ATL2: variants seen among roughly 807,000 people sequenced by gnomAD.
The protein encoded by ATL2 is atlastin GTPase 2.
Under a neutral mutation model 73.9 loss-of-function variants are expected in ATL2, and 31 were observed. The observed-to-expected ratio is 0.42, with a 90% CI of 0.32 to 0.57. ATL2 has a LOEUF of 0.57. Ranked by LOEUF, ATL2 falls within the 20% of genes least tolerant of loss-of-function variation. The probability of loss-of-function intolerance (pLI) is 0.14; values close to 1 mark genes in which losing one functional copy is unlikely to be tolerated. For missense variants in ATL2, 738 were observed against 702.6 expected (o/e 1.05, Z -0.57); for synonymous variants, 291 against 237.5 (o/e 1.23, Z -2.07).
intron 1 of ATL2, among the ~76,000 whole-genome samples, chr2:38,372,211 C>T (rs1671732505): frequency 6.8e-6 from 1 of 146,292 alleles, no homozygotes. Context: ...ATGCACTATA[C>T]AGTCAAGTCA....
chr2:38,348,150 C>T (rs776690252), intron 1 of ATL2, among the ~76,000 whole-genome samples: 8 of 151,904 alleles, frequency 5.3e-5, no homozygotes, highest in African/African-American at 7.3e-5. Context: ...ATTAAGTATA[C>T]GTAACACAAA....
At chr2:38,330,499 A>G (rs1223165400) in intron 2 of ATL2, among the ~76,000 whole-genome samples, 2 of 152,214 alleles carry the variant, frequency 1.3e-5, no homozygotes, top group Admixed American at 1.3e-4. Flanking sequence ...TGTTGTATAT[A>G]GAAAACTCGA....
intron 1 of ATL2, chr2:38,376,039 C>G (rs998287232): frequency 7.3e-7 from 1 of 1,373,168 alleles, no homozygotes; most frequent in Non-Finnish European, 9.5e-7. Flanking sequence ...AACCTTTACA[C>G]ACCGTAAAAA....
chr2:38,311,687 G>A (rs1410658973), intron 7 of ATL2, among the ~76,000 whole-genome samples: 6 of 152,204 alleles, frequency 3.9e-5, no homozygotes, highest in Middle Eastern at 3.2e-3. Flanking sequence ...GGTTTTGGGG[G>A]AAGGTTGCTG....
At chr2:38,352,053 G>T (rs544899358) in intron 1 of ATL2, among the ~76,000 whole-genome samples, 1 of 146,020 alleles carries the variant, frequency 6.8e-6, no homozygotes, top group East Asian at 2.1e-4. Flanking sequence ...GGAGGCTGCA[G>T]TGAGCCAAGA....
At chr2:38,345,996 G>C (rs1329794649) in intron 1 of ATL2, among the ~76,000 whole-genome samples, 1 of 152,166 alleles carries the variant, frequency 6.6e-6, no homozygotes, top group Non-Finnish European at 1.5e-5. Context: ...AATCCAACAG[G>C]AGAAGCTTTT....
At chr2:38,367,694 G>A (rs1161667306) in intron 1 of ATL2, among the ~76,000 whole-genome samples, 3 of 148,326 alleles carry the variant, frequency 2.0e-5, no homozygotes, top group East Asian at 2.0e-4. Context: ...GTGCAATGGC[G>A]CGATCTCGGC....
chr2:38,375,092 G>A (rs1671887491), intron 1 of ATL2, among the ~76,000 whole-genome samples: 1 of 152,122 alleles, frequency 6.6e-6, no homozygotes, highest in Non-Finnish European at 1.5e-5. Context: ...GCTTTCTAAA[G>A]ATCCTACATT....
chr2:38,354,300 T>C (rs376130560), intron 1 of ATL2: 8 of 266,118 alleles, frequency 3.0e-5, no homozygotes, highest in Admixed American at 5.4e-5. Context: ...TTCCTTCCTA[T>C]TGATCTGAAT....
At position 38,302,775 on chromosome 2, in the gene ATL2, T is replaced by C. The variant is rs146645213; in HGVS notation, c.1072-2447A>G. On this transcript the variant is annotated intron_variant, in intron 9 of 12. Coordinates refer to ENST00000378954, the MANE Select transcript of ATL2 (RefSeq NM_001135673.4). ...CATTATGGGCTTGAAATGTCCCTAA[T>C]GCAGATACAGCTGCAGTGACCAAGA... Among the ~76,000 whole-genome samples, 645 of 152,330 alleles carry C rather than the reference T, an allele frequency of 4.2e-3. 3 individuals carry two copies. Among genetic ancestry groups the C allele is most frequent in the African/African-American group, 0.013 (557 of 41,584 alleles).
At chr2:38,338,970 T>G (rs191393062) in intron 2 of ATL2, among the ~76,000 whole-genome samples, 1 of 152,240 alleles carries the variant, frequency 6.6e-6, no homozygotes, top group East Asian at 1.9e-4. Flanking sequence ...ATACCAGCAC[T>G]TTGGGAGGCT....
intron 1 of ATL2, among the ~76,000 whole-genome samples, chr2:38,344,672 T>A (rs184740639): frequency 6.6e-6 from 1 of 152,236 alleles, no homozygotes; most frequent in East Asian, 1.9e-4. Context: ...AGGGGAAAAT[T>A]AGGGTTCTAA....
Position 38,295,188 on chromosome 2 carries a change from TTATATA to T in ATL2, c.*800_*805del, listed in dbSNP as rs1420655415. 6.6e-6 allele frequency: 1 copy of T among 152,160 alleles called. No individual in the cohort carries two copies. The highest frequency in any genetic ancestry group is 2.4e-5 in the African/African-American group (1 of 41,424). 9.4% of individuals were successfully genotyped at this position (152,160 alleles called of 1,614,324 possible). ...CAAAACTTTTAATACAAAATCGTAT[TTATATA>T]TTTATAAGTCATATACATGCCCTAT... On this transcript the variant is annotated 3_prime_UTR_variant, in exon 13 of 13. Coordinates refer to ENST00000378954, the MANE Select transcript of ATL2 (RefSeq NM_001135673.4).
At chr2:38,350,095 TAA>T (rs1389359634) in intron 1 of ATL2, among the ~76,000 whole-genome samples, 3 of 152,318 alleles carry the variant, frequency 2.0e-5, no homozygotes, top group Middle Eastern at 3.4e-3. Flanking sequence ...TGCCTACAAT[TAA>T]AAGTCTCTAA....
At chr2:38,376,453 A>T (rs1671973094) in intron 1 of ATL2, 1 of 290,954 alleles carries the variant, frequency 3.4e-6, no homozygotes, top group African/African-American at 2.1e-5. Context: ...TAAACGGCTC[A>T]TAACCCCAGT....
intron 2 of ATL2, among the ~76,000 whole-genome samples, chr2:38,339,279 G>T (rs911418815): frequency 1.3e-5 from 2 of 152,000 alleles, no homozygotes; most frequent in African/African-American, 4.8e-5. Flanking sequence ...AAGAAACTAA[G>T]GAGACATGAC....
chr2:38,356,258 G>T (rs367616339), intron 1 of ATL2, among the ~76,000 whole-genome samples: 1 of 149,528 alleles, frequency 6.7e-6, no homozygotes, highest in Non-Finnish European at 1.5e-5. Context: ...CACTCTCATC[G>T]ACCAGGCTGG....
intron 2 of ATL2, among the ~76,000 whole-genome samples, chr2:38,331,178 T>C: frequency 6.6e-6 from 1 of 151,992 alleles, no homozygotes. Flanking sequence ...CTCATGCCTG[T>C]AATCCCATCA....
Position 38,376,086 on chromosome 2 carries a change from A to C in ATL2, c.118+1057T>G, listed in dbSNP as rs1671943114. The stretch of plus-strand genomic sequence containing the variant: ...AGACACGAGCTCGTATCTGTATTTA[A>C]TAATAAACTCTTATCTTGGCCGTAC... On this transcript the variant is annotated intron_variant, in intron 1 of 12. Transcript: ENST00000378954. 1.3e-5 allele frequency: 19 copies of C among 1,454,672 alleles called. 1 individual carries two copies. In the East Asian group the frequency reaches 4.7e-4, roughly 36 times the overall value. The allele number at this position is 1,454,672 out of a possible 1,614,324, so 90.1% of individuals were successfully genotyped here.
Sources: gnomAD v4.1 joint callset for allele counts (sites outside exome capture counted in the v4.1 genomes callset) on GRCh38, gnomAD v4.1.1 for gene constraint, MANE v1.5 for transcripts, NCBI Gene and HGNC (gene_info 2026-07-23, HGNC 2026-07-21) for gene names.